The following MINDY4 variants were observed in gnomAD, a reference collection of about 807,000 sequenced individuals.
MINDY4 encodes the protein probable ubiquitin carboxyl-terminal hydrolase MINDY-4.
A neutral mutation model predicts 87.0 loss-of-function variants in MINDY4; 68 were observed. The ratio of observed to expected loss-of-function variants is 0.78; its 90% CI spans 0.64 to 0.96. The LOEUF is 0.96. MINDY4 is among the 40% of genes least tolerant of loss of function. The probability of loss-of-function intolerance (pLI) is 0.00; values close to 1 mark genes in which losing one functional copy is unlikely to be tolerated. For missense variants in MINDY4, 919 were observed against 928.2 expected, an observed-to-expected ratio of 0.99 and a Z score of 0.13; for synonymous variants, 379 against 363.2, an observed-to-expected ratio of 1.04 and a Z score of -0.50.
chr7:30,856,798 G>GGCA (rs1388217915), intron 12 of MINDY4, among the ~76,000 whole-genome samples: 1 of 151,432 alleles, frequency 6.6e-6, no homozygotes, highest in Non-Finnish European at 1.5e-5. Context: ...GACTTCCCTA[G>GGCA]GCAGCATGCA....
chr7:30,842,868 C>G (rs935109860), intron 9 of MINDY4, among the ~76,000 whole-genome samples: 2 of 152,226 alleles, frequency 1.3e-5, no homozygotes, highest in Admixed American at 1.3e-4. Flanking sequence ...CCCTCAGGCT[C>G]TGTGCTCAGG....
In MINDY4 at chr7:30,785,277, C is replaced by CTG. The variant is rs1413722119; in HGVS notation, c.420-472_420-471insTG. Among the ~76,000 whole-genome samples, 214 of 39,560 alleles carry CTG rather than the reference C, an allele frequency of 5.4e-3. 1 individual carries two copies. Among genetic ancestry groups the CTG allele is most frequent in the African/African-American group, 0.025 (206 of 8,094 alleles). 26.0% of individuals were successfully genotyped at this position (39,560 alleles called of 152,430 possible). A position where few individuals can be genotyped will look rare whatever the true frequency, so the allele number is the denominator to read the frequency against. On this transcript the variant is annotated intron_variant, in intron 3 of 17. Coordinates refer to ENST00000265299, the MANE Select transcript of MINDY4 (RefSeq NM_032222.3). ...TTCCTCTCTCTCTCTCTGACACACA[C>CTG]ACACACACACACACACACACACACC...
At chr7:30,775,129 T>C (rs977773317) in intron 1 of MINDY4, among the ~76,000 whole-genome samples, 3 of 152,144 alleles carry the variant, frequency 2.0e-5, no homozygotes, top group East Asian at 1.9e-4. Flanking sequence ...CAGACACCAA[T>C]TGGGTGTCGT....
Position 30,771,551 on chromosome 7 carries a change from A to T in MINDY4, c.58A>T (p.Arg20Ter). The T allele has an allele frequency of 1.3e-6, 2 of 1,599,504 alleles. No individual in the cohort carries two copies. Among genetic ancestry groups the T allele is most frequent in the Non-Finnish European group, 1.7e-6 (2 of 1,174,266 alleles). The change falls in exon 1 of 18, where the codon AGA becomes TGA. Residue 20 changes from arginine to a stop codon, truncating the protein, a stop_gained. Coordinates refer to ENST00000265299, the MANE Select transcript of MINDY4 (RefSeq NM_032222.3). LOFTEE classifies it high-confidence loss of function. Reference sequence around the variant, plus strand: ...CTCCTTGGTCAGGGAGTTCCTCAGCAGAAAGGTAACGGCTCGCCCCCTCCA... The same window carrying T: ...CTCCTTGGTCAGGGAGTTCCTCAGCTGAAAGGTAACGGCTCGCCCCCTCCA... ...AASLVREFLS[R>*]KGLKKTCVTM...
chr7:30,863,353 G>C (rs1378634784), intron 13 of MINDY4, among the ~76,000 whole-genome samples: 2 of 152,222 alleles, frequency 1.3e-5, no homozygotes. Flanking sequence ...ATTCGTGGTG[G>C]TGTGATAGTG....
chr7:30,771,610 A>T, intron 1 of MINDY4, 54 bp downstream of exon 1: 1 of 1,535,742 alleles, frequency 6.5e-7, no homozygotes, highest in Non-Finnish European at 8.8e-7. Flanking sequence ...TGGGGGGATC[A>T]TCGGGGTCTC....
chr7:30,878,599 A>G (rs1790361841), intron 15 of MINDY4, among the ~76,000 whole-genome samples: 1 of 152,182 alleles, frequency 6.6e-6, no homozygotes, highest in Non-Finnish European at 1.5e-5. Context: ...AAGCCCCTCC[A>G]GGCTGATGGT....
At chr7:30,841,902 T>G (rs554733310) in intron 9 of MINDY4, among the ~76,000 whole-genome samples, 1 of 152,306 alleles carries the variant, frequency 6.6e-6, no homozygotes, top group Non-Finnish European at 1.5e-5. Context: ...TTCTTTGAAA[T>G]AAGCATTTGA....
chr7:30,850,457 A>G lies in MINDY4; in HGVS notation c.1449A>G (p.Gly483=), dbSNP rs1223120452. The G allele has an allele frequency of 1.2e-6, 2 of 1,611,036 alleles. No individual in the cohort carries two copies. The highest frequency in any genetic ancestry group is 1.7e-6 in the Non-Finnish European group (2 of 1,178,760). The stretch of plus-strand genomic sequence containing the variant: ...GCCTTCCTTTTCTTGTCCGCAGGGG[A>G]CTGCAGCCTTCAGATGCCCACCGGA... The part of the protein sequence containing the change: ...EGDSKADCAQ[G]LQPSDAHRTR... The change falls in exon 10 of 18, where the codon GGA becomes GGG. Residue 483 remains glycine (G), a synonymous_variant. Coordinates refer to ENST00000265299, the MANE Select transcript of MINDY4 (RefSeq NM_032222.3).
At chr7:30,880,998 G>A (rs1416035163) in intron 15 of MINDY4, among the ~76,000 whole-genome samples, 1 of 152,128 alleles carries the variant, frequency 6.6e-6, no homozygotes, top group Non-Finnish European at 1.5e-5. Flanking sequence ...AAGGGTTCTG[G>A]AAAAAGTATG....
At chr7:30,818,121 G>T (rs557478851) in intron 5 of MINDY4, among the ~76,000 whole-genome samples, 6 of 151,662 alleles carry the variant, frequency 4.0e-5, no homozygotes, top group African/African-American at 1.2e-4. Flanking sequence ...AGCATGCTAA[G>T]AATTATTTTT....
intron 13 of MINDY4, among the ~76,000 whole-genome samples, chr7:30,861,921 T>G (rs1193794883): frequency 6.6e-6 from 1 of 152,222 alleles, no homozygotes; most frequent in Admixed American, 6.5e-5. Flanking sequence ...GAGAGCATCT[T>G]GTGCTGAGTG....
chr7:30,880,703 G>A (rs7783146), intron 15 of MINDY4, among the ~76,000 whole-genome samples: 5 of 152,156 alleles, frequency 3.3e-5, no homozygotes, highest in East Asian at 1.9e-4. Context: ...GTCCAGCCAC[G>A]TCCTGTAAGA....
chr7:30,782,407 C>G (rs1787033796), intron 3 of MINDY4, among the ~76,000 whole-genome samples, 195 bp downstream of exon 3: 1 of 151,150 alleles, frequency 6.6e-6, no homozygotes, highest in Non-Finnish European at 1.5e-5. Context: ...TGTATGTATA[C>G]ATAAAGAAGT....
intron 11 of MINDY4, 31 bp downstream of exon 11, chr7:30,852,310 C>G: frequency 6.2e-7 from 1 of 1,613,830 alleles, no homozygotes; most frequent in East Asian, 2.2e-5. Flanking sequence ...ATCACGCAAA[C>G]TTTGGCTTTG....
chr7:30,848,218 A>G (rs993249666), intron 9 of MINDY4, among the ~76,000 whole-genome samples: 1 of 152,220 alleles, frequency 6.6e-6, no homozygotes, highest in African/African-American at 2.4e-5. Flanking sequence ...TGTAACGTCT[A>G]TCCATGTTGG....
intron 10 of MINDY4, among the ~76,000 whole-genome samples, chr7:30,851,239 C>T (rs552868079): frequency 6.6e-6 from 1 of 152,290 alleles, no homozygotes; most frequent in South Asian, 2.1e-4. Context: ...GCACGTTGGT[C>T]ACTGTAGCAT....
At chr7:30,811,389 T>G (rs1017967159) in intron 5 of MINDY4, among the ~76,000 whole-genome samples, 6 of 152,222 alleles carry the variant, frequency 3.9e-5, no homozygotes, top group Admixed American at 6.5e-5. Flanking sequence ...ATCGCTACCT[T>G]CATTCACCAA....
intron 6 of MINDY4, among the ~76,000 whole-genome samples, chr7:30,834,160 T>C (rs1290225893): frequency 6.6e-6 from 1 of 152,248 alleles, no homozygotes; most frequent in Non-Finnish European, 1.5e-5. Flanking sequence ...ACATTTCCTT[T>C]CTGCACTGCC....
Sources: gnomAD v4.1 joint callset for allele counts (sites outside exome capture counted in the v4.1 genomes callset) on GRCh38, gnomAD v4.1.1 for gene constraint, MANE v1.5 for transcripts, NCBI Gene and HGNC (gene_info 2026-07-23, HGNC 2026-07-21) for gene names.